The following FSTL4 variants were observed in gnomAD, a reference collection of about 807,000 sequenced individuals.
The protein encoded by FSTL4 is follistatin like 4.
In FSTL4, 28 loss-of-function variants were observed where a neutral mutation model predicts 78.2. That is an observed-to-expected ratio of 0.36 (90% confidence interval 0.27 to 0.49). The LOEUF (loss-of-function observed/expected upper bound fraction) is 0.49. Among genes scored for constraint, FSTL4 ranks in the 20% least tolerant of loss-of-function variants. The pLI is 0.98. For missense variants in FSTL4, 922 were observed against 1,084.9 expected (o/e 0.85, Z 2.11); for synonymous variants, 422 against 440.5 (o/e 0.96, Z 0.53).
the FSTL4 span, among the ~76,000 whole-genome samples, chr5:133,691,079 C>T: frequency 6.6e-6 from 1 of 152,206 alleles, no homozygotes; most frequent in Non-Finnish European, 1.5e-5. Context: ...CTTTCTTCCC[C>T]TTTACCACAT....
chr5:133,616,854 C>T (rs1358427640), upstream of FSTL4, among the ~76,000 whole-genome samples: 1 of 152,198 alleles, frequency 6.6e-6, no homozygotes, highest in Non-Finnish European at 1.5e-5. Context: ...TCTGAGCAGC[C>T]ATTCTGACCT....
intron 3 of FSTL4, among the ~76,000 whole-genome samples, chr5:133,549,820 G>C (rs1381870032): frequency 1.3e-5 from 2 of 152,190 alleles, no homozygotes; most frequent in Non-Finnish European, 2.9e-5. Context: ...GTTCTCAGAG[G>C]AAACATTTTG....
chr5:133,565,476 C>T (rs1262173217), intron 3 of FSTL4, among the ~76,000 whole-genome samples: 6 of 152,196 alleles, frequency 3.9e-5, no homozygotes, highest in Admixed American at 3.9e-4. Flanking sequence ...TTGACAGAAA[C>T]AAGCAAGAAA....
In FSTL4 at chr5:133,528,003, C is replaced by A. The variant is rs560400763; in HGVS notation, c.160+39183G>T. 3.2e-4 allele frequency among the ~76,000 whole-genome samples: 49 copies of A among 152,306 alleles called. No individual in the cohort carries two copies. In the South Asian group the frequency reaches 0.01, roughly 32 times the overall value. ...TGCCTATGTTGGGAAGGAGGGTGAACCTGGTCATCAGGGTTAGCCCAAGCA... is the reference window on the plus strand; with the variant it reads ...TGCCTATGTTGGGAAGGAGGGTGAAACTGGTCATCAGGGTTAGCCCAAGCA... On this transcript the variant is annotated intron_variant, in intron 3 of 15. Transcript: ENST00000265342.
intron 2 of FSTL4, chr5:133,583,129 GTC>G: frequency 7.8e-6 from 3 of 382,918 alleles, no homozygotes; most frequent in Non-Finnish European, 1.6e-5. Flanking sequence ...CCCTGCTGCT[GTC>G]TCCAGCGGCC....
intron 4 of FSTL4, among the ~76,000 whole-genome samples, chr5:133,334,408 T>C (rs1416688084): frequency 6.6e-6 from 1 of 152,138 alleles, no homozygotes; most frequent in African/African-American, 2.4e-5. Flanking sequence ...TTTGTCACAG[T>C]CATGCCCTCT....
the FSTL4 span, among the ~76,000 whole-genome samples, chr5:133,804,119 C>T: frequency 1.8e-4 from 27 of 152,170 alleles, no homozygotes; most frequent in Non-Finnish European, 3.5e-4. Flanking sequence ...TTGGATAAGC[C>T]TCTAAATCCC....
intron 6 of FSTL4, among the ~76,000 whole-genome samples, chr5:133,286,751 C>G (rs1042171482): frequency 1.3e-5 from 2 of 152,166 alleles, no homozygotes; most frequent in Admixed American, 6.5e-5. Flanking sequence ...TCCTAACAAG[C>G]AGATCAGCCT....
intron 6 of FSTL4, among the ~76,000 whole-genome samples, chr5:133,296,677 C>CCCCTG (rs1273199811): frequency 6.6e-6 from 1 of 152,132 alleles, no homozygotes; most frequent in Non-Finnish European, 1.5e-5. Flanking sequence ...ATTTTGCCCA[C>CCCCTG]CCCTGCCCTG....
At position 133,518,614 on chromosome 5, in the gene FSTL4, C is replaced by A. The variant is rs1758910422; in HGVS notation, c.160+48572G>T. Among the ~76,000 whole-genome samples the A allele has an allele frequency of 5.9e-5, 9 of 152,186 alleles. No individual in the cohort carries two copies. In the South Asian group the frequency reaches 1.9e-3, roughly 31 times the overall value. ...AACTCTGCATATATTCTGCTCTACA[C>A]TCCAACAATTTTACTACTAGACTCT... On this transcript the variant is annotated intron_variant, in intron 3 of 15. Coordinates refer to ENST00000265342, the MANE Select transcript of FSTL4 (RefSeq NM_015082.2).
the FSTL4 span, among the ~76,000 whole-genome samples, chr5:133,661,094 G>A: frequency 2.0e-5 from 3 of 152,202 alleles, no homozygotes; most frequent in Admixed American, 6.5e-5. Flanking sequence ...GGGTTCAAGC[G>A]ATTCTCCTGC....
chr5:133,239,599 CT>C (rs1751772363), intron 7 of FSTL4, among the ~76,000 whole-genome samples: 1 of 152,114 alleles, frequency 6.6e-6, no homozygotes, highest in African/African-American at 2.4e-5. Context: ...CTGGTGGGGA[CT>C]TGGAGAACCT....
At chr5:133,241,834 C>T (rs1561639040) in intron 7 of FSTL4, among the ~76,000 whole-genome samples, 1 of 152,222 alleles carries the variant, frequency 6.6e-6, no homozygotes, top group Non-Finnish European at 1.5e-5. Context: ...CCAAGGGTTT[C>T]AGCTCCTGAC....
At chr5:133,374,528 G>A (rs937964342) in intron 4 of FSTL4, among the ~76,000 whole-genome samples, 1 of 151,944 alleles carries the variant, frequency 6.6e-6, no homozygotes, top group Non-Finnish European at 1.5e-5. Context: ...ATTCTTGGTG[G>A]GCAGTTAAAC....
the FSTL4 span, among the ~76,000 whole-genome samples, chr5:133,693,709 T>C: frequency 6.6e-6 from 1 of 152,204 alleles, no homozygotes; most frequent in African/African-American, 2.4e-5. Context: ...TAGAAGTTTA[T>C]TTGGCTCACA....
Position 133,429,215 on chromosome 5 carries a change from T to C in FSTL4, c.161-28229A>G, listed in dbSNP as rs116176095. 2.4e-3 allele frequency among the ~76,000 whole-genome samples: 370 copies of C among 152,276 alleles called. 1 individual carries two copies. The highest frequency in any genetic ancestry group is 8.4e-3 in the African/African-American group (348 of 41,546). On this transcript the variant is annotated intron_variant, in intron 3 of 15. Transcript: ENST00000265342. ...CGCCCACAGCCCATGGAATCATGAA[T>C]GCCGAGGAGCTGCCCCCTTCATCTT...
the FSTL4 span, among the ~76,000 whole-genome samples, chr5:133,675,948 C>T: frequency 3.3e-5 from 5 of 152,072 alleles, no homozygotes; most frequent in South Asian, 1.0e-3. Context: ...GCCCTGGGAC[C>T]AATGGGAATG....
chr5:133,655,169 C>A, the FSTL4 span, among the ~76,000 whole-genome samples: 2 of 152,148 alleles, frequency 1.3e-5, no homozygotes, highest in Admixed American at 6.5e-5. Context: ...GGCTCTAGAC[C>A]TCAGGTTCTT....
chr5:133,478,316 T>A (rs1757961279), intron 3 of FSTL4, among the ~76,000 whole-genome samples: 1 of 152,200 alleles, frequency 6.6e-6, no homozygotes, highest in South Asian at 2.1e-4. Context: ...ACAAACAGTT[T>A]AAAAATATCT....
Sources: allele counts gnomAD v4.1 joint callset (sites outside exome capture counted in the v4.1 genomes callset), GRCh38; gene constraint gnomAD v4.1.1; transcripts MANE v1.5; gene names NCBI Gene and HGNC (gene_info 2026-07-23, HGNC 2026-07-21).